The following SBF2 variants were observed in gnomAD, a reference collection of about 807,000 sequenced individuals.
SBF2 encodes myotubularin-related protein 13.
A neutral mutation model predicts 225.2 loss-of-function variants in SBF2; 112 were observed. The ratio of observed to expected loss-of-function variants is 0.50; its 90% CI spans 0.43 to 0.58. The LOEUF is 0.58. Among genes scored for constraint, SBF2 ranks in the 20% least tolerant of loss-of-function variants. The pLI is 0.00. For missense variants in SBF2, 1,996 were observed against 2,206.2 expected (o/e 0.90, Z 1.91); for synonymous variants, 763 against 773.3 (o/e 0.99, Z 0.22).
chr11:10,131,014 T>A (rs1243817807), intron 2 of SBF2, among the ~76,000 whole-genome samples: 1 of 152,132 alleles, frequency 6.6e-6, no homozygotes, highest in Non-Finnish European at 1.5e-5. Flanking sequence ...TGTGCAGAAA[T>A]AAATTTTAAT....
At chr11:9,984,698 T>G (rs1947119537) in intron 13 of SBF2, among the ~76,000 whole-genome samples, 1 of 152,126 alleles carries the variant, frequency 6.6e-6, no homozygotes, top group Admixed American at 6.5e-5. Flanking sequence ...AGGTAACCTA[T>G]AAAGAAAAAC....
chr11:9,855,706 T>C (rs1312415144), intron 19 of SBF2, among the ~76,000 whole-genome samples: 1 of 152,042 alleles, frequency 6.6e-6, no homozygotes, highest in South Asian at 2.1e-4. Context: ...AAAAATGACA[T>C]GAAAGACAAT....
intron 17 of SBF2, among the ~76,000 whole-genome samples, chr11:9,877,463 G>C (rs1190129103): frequency 1.3e-5 from 2 of 152,104 alleles, no homozygotes; most frequent in Admixed American, 1.3e-4. Context: ...TTGTTACCCA[G>C]GTATACATGT....
chr11:9,833,132 A>C (rs954769454), intron 26 of SBF2, among the ~76,000 whole-genome samples: 3 of 152,222 alleles, frequency 2.0e-5, no homozygotes, highest in African/African-American at 7.2e-5. Flanking sequence ...AAGGCTTAAA[A>C]ACCAAAACCA....
intron 2 of SBF2, among the ~76,000 whole-genome samples, chr11:10,066,944 C>T (rs1473416695): frequency 6.6e-6 from 1 of 152,040 alleles, no homozygotes; most frequent in Non-Finnish European, 1.5e-5. Context: ...AATGAGCAAA[C>T]CAGAAATTTA....
At chr11:10,015,690 C>A (rs1290220811) in intron 6 of SBF2, among the ~76,000 whole-genome samples, 8 of 152,160 alleles carry the variant, frequency 5.3e-5, no homozygotes, top group Admixed American at 5.2e-4. Flanking sequence ...AGTGAGGAAG[C>A]AAATGGCATT....
At position 9,959,759 on chromosome 11, in the gene SBF2, T is replaced by C. The variant is rs1866437147; in HGVS notation, c.1860+2198A>G. 3 of 653,004 alleles carry C rather than the reference T, an allele frequency of 4.6e-6. No homozygotes were observed. The African/African-American group carries it at 5.4e-5, about 12-fold the overall frequency. The allele number at this position is 653,004 out of a possible 1,614,324, so 40.5% of individuals were successfully genotyped here. On this transcript the variant is annotated intron_variant, in intron 16 of 39. Coordinates refer to ENST00000256190, the MANE Select transcript of SBF2 (RefSeq NM_030962.4). The stretch of plus-strand genomic sequence containing the variant: ...ATGTACACCTGCTTGACGCCTCTGT[T>C]TAAGTGGGAGCTTGCTGAGATGGTC...
At chr11:10,184,685 C>G (rs565364807) in intron 2 of SBF2, among the ~76,000 whole-genome samples, 3 of 152,230 alleles carry the variant, frequency 2.0e-5, no homozygotes, top group African/African-American at 7.2e-5. Flanking sequence ...CTCTATGTCT[C>G]TCATATTAGT....
chr11:10,181,408 C>G (rs1956730478), intron 2 of SBF2, among the ~76,000 whole-genome samples: 1 of 151,940 alleles, frequency 6.6e-6, no homozygotes, highest in Non-Finnish European at 1.5e-5. Flanking sequence ...CTTTGGTTTT[C>G]TAAATCTTAA....
At chr11:9,845,412 C>A (rs1856467541) in intron 24 of SBF2, among the ~76,000 whole-genome samples, 153 bp downstream of exon 24, 1 of 152,154 alleles carries the variant, frequency 6.6e-6, no homozygotes. Flanking sequence ...TGCTGCTGTT[C>A]CGTAACTTTA....
intron 16 of SBF2, among the ~76,000 whole-genome samples, chr11:9,913,573 T>C (rs1168876554): frequency 1.3e-5 from 2 of 152,028 alleles, no homozygotes; most frequent in Non-Finnish European, 2.9e-5. Flanking sequence ...CTAACACTTA[T>C]ATACAAGTGT....
intron 25 of SBF2, among the ~76,000 whole-genome samples, chr11:9,840,425 A>G (rs573614276): frequency 3.3e-5 from 5 of 152,366 alleles, no homozygotes; most frequent in Admixed American, 2.0e-4. Context: ...AAGAAATAAA[A>G]TATCAGTAAT....
chr11:9,781,393 G>C, intron 39 of SBF2, 114 bp downstream of exon 39: 1 of 1,354,636 alleles, frequency 7.4e-7, no homozygotes. Flanking sequence ...TAGCCAAGGG[G>C]GTCTGTCATC....
intron 16 of SBF2, among the ~76,000 whole-genome samples, chr11:9,922,900 C>G (rs1863743937): frequency 6.6e-6 from 1 of 152,226 alleles, no homozygotes; most frequent in Admixed American, 6.5e-5. Context: ...CTTGCACCCA[C>G]CAGGAGGTTG....
intron 6 of SBF2, among the ~76,000 whole-genome samples, chr11:10,014,924 G>A (rs12277094): frequency 0.014 from 2,105 of 152,166 alleles, 51 homozygotes; most frequent in African/African-American, 0.047. Context: ...GAGCCCAGGA[G>A]TTTGAGACCA....
chr11:10,137,994 C>T (rs1006241369), intron 2 of SBF2, among the ~76,000 whole-genome samples: 3 of 144,678 alleles, frequency 2.1e-5, no homozygotes, highest in Admixed American at 1.4e-4. Flanking sequence ...AGTAAGACTC[C>T]ATCTCCAAAA....
At chr11:9,919,331 T>C (rs1222576021) in intron 16 of SBF2, among the ~76,000 whole-genome samples, 1 of 150,590 alleles carries the variant, frequency 6.6e-6, no homozygotes, top group African/African-American at 2.5e-5. Flanking sequence ...AATGGCACCA[T>C]CTTGGCTTGT....
chr11:10,296,050 C>G (rs1039689684), upstream of SBF2, among the ~76,000 whole-genome samples: 4 of 152,168 alleles, frequency 2.6e-5, no homozygotes, highest in Non-Finnish European at 4.4e-5. Flanking sequence ...CTCATTCTCC[C>G]CTCCCACAGC....
chr11:10,007,748 C>T (rs969102199), intron 6 of SBF2, among the ~76,000 whole-genome samples: 9 of 152,148 alleles, frequency 5.9e-5, no homozygotes, highest in African/African-American at 1.9e-4. Context: ...CTCCCAGGCC[C>T]GGAGCCCCTC....
Sources: allele counts gnomAD v4.1 joint callset (sites outside exome capture counted in the v4.1 genomes callset), GRCh38; gene constraint gnomAD v4.1.1; transcripts MANE v1.5; gene names NCBI Gene and HGNC (gene_info 2026-07-23, HGNC 2026-07-21).